Variants in CRYL1 observed in about 807,000 individuals in gnomAD.
CRYL1 encodes crystallin lambda 1.
CRYL1 carries 29 observed loss-of-function variants against 36.6 expected under a neutral mutation model. The ratio of observed to expected loss-of-function variants is 0.79; its 90% CI spans 0.59 to 1.08. The LOEUF is 1.08. Among genes scored for constraint, CRYL1 ranks in the 50% least tolerant of loss-of-function variants. CRYL1 has a pLI of 0.00. For missense variants in CRYL1, 411 were observed against 407.9 expected, an observed-to-expected ratio of 1.01 and a Z score of -0.06; for synonymous variants, 152 against 151.5, an observed-to-expected ratio of 1.00 and a Z score of -0.02.
At chr13:20,420,453 T>C (rs1396572132) in intron 5 of CRYL1, among the ~76,000 whole-genome samples, 1 of 150,328 alleles carries the variant, frequency 6.7e-6, no homozygotes, top group Non-Finnish European at 1.5e-5. Flanking sequence ...GAAGAAACCA[T>C]ATGTGCATAG....
At chr13:20,430,330 C>T in intron 5 of CRYL1, 1 of 985,410 alleles carries the variant, frequency 1.0e-6, no homozygotes, top group Non-Finnish European at 1.2e-6. Flanking sequence ...CAGTTCCTTA[C>T]AGGGACTCCA....
At chr13:20,454,988 G>T (rs532514549) in intron 3 of CRYL1, among the ~76,000 whole-genome samples, 39 of 152,242 alleles carry the variant, frequency 2.6e-4, no homozygotes, top group Middle Eastern at 3.4e-3. Flanking sequence ...AAAGCATATA[G>T]ATTGAAAATG....
chr13:20,448,049 T>C (rs543067923), intron 3 of CRYL1, among the ~76,000 whole-genome samples: 8 of 152,316 alleles, frequency 5.3e-5, no homozygotes, highest in African/African-American at 1.9e-4. Context: ...AAAATAGCTA[T>C]GATTAATATC....
At chr13:20,512,319 G>T in intron 2 of CRYL1, 124 bp downstream of exon 2, 1 of 684,992 alleles carries the variant, frequency 1.5e-6, no homozygotes, top group African/African-American at 1.8e-5. Context: ...CAGAGGCACT[G>T]CAGTAGCCAT....
At chr13:20,475,475 A>G (rs2033146932) in intron 3 of CRYL1, among the ~76,000 whole-genome samples, 1 of 152,162 alleles carries the variant, frequency 6.6e-6, no homozygotes, top group Non-Finnish European at 1.5e-5. Context: ...AATATTCCTG[A>G]GGTGTGCAGG....
chr13:20,503,384 G>A (rs2033738471), intron 2 of CRYL1, among the ~76,000 whole-genome samples: 1 of 152,212 alleles, frequency 6.6e-6, no homozygotes, highest in South Asian at 2.1e-4. Flanking sequence ...GGGTTGTCTG[G>A]GGGCTGGTCT....
chr13:20,499,930 CA>C (rs35137776), intron 2 of CRYL1, among the ~76,000 whole-genome samples: 1 of 152,162 alleles, frequency 6.6e-6, no homozygotes, highest in Non-Finnish European at 1.5e-5. Context: ...TGATTCTTCA[CA>C]AAAAGTGACT....
chr13:20,436,967 C>A (rs1372519909), intron 4 of CRYL1, among the ~76,000 whole-genome samples: 1 of 152,060 alleles, frequency 6.6e-6, no homozygotes, highest in East Asian at 1.9e-4. Context: ...TCTGTAGGGA[C>A]TGCCTGTCCA....
intron 2 of CRYL1, among the ~76,000 whole-genome samples, chr13:20,510,670 T>C (rs941931428): frequency 6.7e-6 from 1 of 149,136 alleles, no homozygotes; most frequent in Admixed American, 6.8e-5. Flanking sequence ...TGGAGTGCAA[T>C]GGTGTGATCT....
chr13:20,510,436 A>G (rs1339595673), intron 2 of CRYL1, among the ~76,000 whole-genome samples: 1 of 152,182 alleles, frequency 6.6e-6, no homozygotes, highest in African/African-American at 2.4e-5. Context: ...ACATTCTGGA[A>G]AAGGTAAAAC....
chr13:20,503,839 C>T (rs529878555), intron 2 of CRYL1, among the ~76,000 whole-genome samples: 36 of 152,280 alleles, frequency 2.4e-4, no homozygotes, highest in African/African-American at 8.7e-4. Context: ...AGGTCAGAGA[C>T]CCAGTTACTG....
rs373247010 is a variant in CRYL1, at chr13:20,432,244, G to A, written c.491C>T (p.Thr164Met). Residue 164 changes from threonine (T) to methionine (M), a missense_variant, in exon 5 of 8, where the codon ACG (threonine) becomes ATG (methionine). Transcript: ENST00000298248. ...GGTTCTGTCCACTGTCGTAGGGGCC[G>A]TCTCCGGGTGGGGGACCAGCTCAAC... ...PLVELVPHPETAPTTVDRTHA... is the reference protein window; with the variant it reads ...PLVELVPHPEMAPTTVDRTHA... 131 of 1,613,520 alleles carry A rather than the reference G, an allele frequency of 8.1e-5. No homozygotes were observed. Among genetic ancestry groups the A allele is most frequent in the South Asian group, 1.1e-4 (10 of 91,058 alleles).
chr13:20,435,657 C>T lies in CRYL1; in HGVS notation c.439-3361G>A, dbSNP rs1565963273. 6.6e-6 allele frequency among the ~76,000 whole-genome samples: 1 copy of T among 152,218 alleles called. No individual in the cohort carries two copies. The highest frequency in any genetic ancestry group is 2.4e-5 in the African/African-American group (1 of 41,454). ...TGTGCGAGGTGGACTCGGAAACACGCCCCCGAAAGGGTTCGACAGATACAA... is the reference window on the plus strand; with the variant it reads ...TGTGCGAGGTGGACTCGGAAACACGTCCCCGAAAGGGTTCGACAGATACAA... On this transcript the variant is annotated intron_variant, in intron 4 of 7. Coordinates refer to ENST00000298248, the MANE Select transcript of CRYL1 (RefSeq NM_015974.3). The surrounding 1 kb of genome is among the most constrained non-coding windows in gnomAD (Gnocchi z 4.0).
chr13:20,489,927 A>T (rs1360176055), intron 2 of CRYL1, among the ~76,000 whole-genome samples: 1 of 152,236 alleles, frequency 6.6e-6, no homozygotes, highest in Non-Finnish European at 1.5e-5. Flanking sequence ...ATAAAAAAAC[A>T]TGGTACATAC....
intron 3 of CRYL1, among the ~76,000 whole-genome samples, chr13:20,461,984 AGGAGG>A (rs2032830307): frequency 1.3e-5 from 1 of 74,586 alleles, no homozygotes; most frequent in African/African-American, 5.2e-5. Context: ...CTGGGGGAGG[AGGAGG>A]CGGGAGGACT....
chr13:20,475,261 G>T (rs1260381494), intron 3 of CRYL1, among the ~76,000 whole-genome samples: 4 of 152,294 alleles, frequency 2.6e-5, no homozygotes, highest in Non-Finnish European at 4.4e-5. Context: ...CCTGGCAGGG[G>T]TGGCAGGCAT....
intron 3 of CRYL1, among the ~76,000 whole-genome samples, chr13:20,440,461 C>T (rs554615372): frequency 4.6e-5 from 7 of 152,264 alleles, no homozygotes; most frequent in African/African-American, 1.7e-4. Context: ...AGTTGGAAAG[C>T]GGGTGAGGAA....
intron 2 of CRYL1, among the ~76,000 whole-genome samples, chr13:20,499,213 G>A (rs2033661133): frequency 1.3e-5 from 2 of 152,040 alleles, no homozygotes; most frequent in Admixed American, 1.3e-4. Flanking sequence ...GGGTGTGATG[G>A]CGCATGCCTG....
chr13:20,416,016 G>A (rs924883821), intron 5 of CRYL1, among the ~76,000 whole-genome samples: 1 of 152,214 alleles, frequency 6.6e-6, no homozygotes, highest in African/African-American at 2.4e-5. Context: ...CACGCGCACA[G>A]GGCCCGGGCC....
Sources: allele counts gnomAD v4.1 joint callset (sites outside exome capture counted in the v4.1 genomes callset), GRCh38; gene constraint gnomAD v4.1.1; non-coding constraint Gnocchi (gnomAD v3.1); transcripts MANE v1.5; gene names NCBI Gene and HGNC (gene_info 2026-07-23, HGNC 2026-07-21).